CACNG1: variants seen among roughly 807,000 people sequenced by gnomAD.
CACNG1 encodes voltage-dependent calcium channel gamma-1 subunit.
Under a neutral mutation model 22.0 loss-of-function variants are expected in CACNG1, and 21 were observed. The ratio of observed to expected loss-of-function variants is 0.95; its 90% CI spans 0.68 to 1.37. The LOEUF is 1.37. Among genes scored for constraint, CACNG1 ranks in the 40% most tolerant of loss-of-function variants. CACNG1 has a pLI of 0.00. For synonymous variants in CACNG1, 127 were observed against 129.2 expected (o/e 0.98, Z 0.12); for missense variants, 291 against 308.6 (o/e 0.94, Z 0.43).
At chr17:67,053,880 G>A (rs2035742113) in intron 1 of CACNG1, 116 bp from the exon 2 acceptor site, 3 of 754,474 alleles carry the variant, frequency 4.0e-6, no homozygotes, top group East Asian at 2.5e-5. Flanking sequence ...CTGGGGAGAA[G>A]AGAGGCTGCC....
chr17:67,050,007 C>A (rs1019679051), intron 1 of CACNG1, among the ~76,000 whole-genome samples: 3 of 152,218 alleles, frequency 2.0e-5, no homozygotes, highest in African/African-American at 4.8e-5. Flanking sequence ...AGAGTAGGAG[C>A]CTCTCCCAAA....
chr17:67,050,696 A>G (rs1037026507), intron 1 of CACNG1, among the ~76,000 whole-genome samples: 3 of 152,206 alleles, frequency 2.0e-5, no homozygotes, highest in African/African-American at 7.2e-5. Flanking sequence ...TTGGAGCTAA[A>G]TGTGGCTTCT....
chr17:67,045,423 T>A (rs1225265161), intron 1 of CACNG1, among the ~76,000 whole-genome samples: 1 of 151,906 alleles, frequency 6.6e-6, no homozygotes, highest in Non-Finnish European at 1.5e-5. Flanking sequence ...AAACCACACA[T>A]GGGCCCTTGT....
At position 67,046,705 on chromosome 17, in the gene CACNG1, C is replaced by T. The variant is rs1233597737; in HGVS notation, c.229+1816C>T. ...AGGGCAAGGCAGCTTCTTCAGGGACCACACATGGGGACGTGCTGTTACAGT... is the reference window on the plus strand; with the variant it reads ...AGGGCAAGGCAGCTTCTTCAGGGACTACACATGGGGACGTGCTGTTACAGT... On this transcript the variant is annotated intron_variant, in intron 1 of 3. Transcript: ENST00000226021. 2.0e-5 allele frequency among the ~76,000 whole-genome samples: 3 copies of T among 152,302 alleles called. No homozygotes were observed. In the East Asian group the frequency reaches 5.8e-4, roughly 29 times the overall value.
Position 67,055,274 on chromosome 17 carries a change from G to C in CACNG1, c.442+34G>C, listed in dbSNP as rs111690102. Reference sequence around the variant, plus strand: ...GGGGATCTGCCTGAGCGCCGGGGCCGGGGGACCATGTCGCGGGGGATTCTC... The same window carrying C: ...GGGGATCTGCCTGAGCGCCGGGGCCCGGGGACCATGTCGCGGGGGATTCTC... On this transcript the variant is annotated intron_variant, in intron 3 of 3. Coordinates refer to ENST00000226021, the MANE Select transcript of CACNG1 (RefSeq NM_000727.4). The surrounding 1 kb of genome is among the most constrained non-coding windows in gnomAD (Gnocchi z 4.5). The C allele has an allele frequency of 6.3e-6, 10 of 1,595,628 alleles. No individual in the cohort carries two copies. The highest frequency in any genetic ancestry group is 8.6e-6 in the Non-Finnish European group (10 of 1,167,738).
intron 1 of CACNG1, among the ~76,000 whole-genome samples, chr17:67,053,665 C>A (rs950545142): frequency 1.3e-4 from 20 of 152,206 alleles, no homozygotes; most frequent in African/African-American, 4.8e-4. Context: ...TGATTGTGCA[C>A]CCTGCACACC....
At chr17:67,048,691 G>A (rs1430538684) in intron 1 of CACNG1, among the ~76,000 whole-genome samples, 1 of 152,154 alleles carries the variant, frequency 6.6e-6, no homozygotes, top group Non-Finnish European at 1.5e-5. Flanking sequence ...TGAAAATGAT[G>A]CCTCATGAAA....
Position 67,044,918 on chromosome 17 carries a change from C to G in CACNG1, c.229+29C>G. 2.6e-6 allele frequency: 4 copies of G among 1,551,962 alleles called. No homozygotes were observed. Among genetic ancestry groups the G allele is most frequent in the Non-Finnish European group, 3.5e-6 (4 of 1,132,046 alleles). ...ACGTACCCACCCTCCGTCCCGATCC[C>G]CACCTCCTGCTCTTCCCCGTCATCC... On this transcript the variant is annotated intron_variant, in intron 1 of 3. Transcript: ENST00000226021. This position sits in a 1 kb window ranked among gnomAD's most constrained non-coding sequence, Gnocchi z 6.9.
Position 67,054,683 on chromosome 17 carries a change from CACTG to C in CACNG1, c.305-417_305-414del, listed in dbSNP as rs2035748230. 8.4e-6 allele frequency among the ~76,000 whole-genome samples: 1 copy of C among 118,582 alleles called. No individual in the cohort carries two copies. The highest frequency in any genetic ancestry group is 2.6e-5 in the African/African-American group (1 of 37,904). 77.8% of individuals were successfully genotyped at this position (118,582 alleles called of 152,430 possible). Reference sequence around the variant, plus strand: ...CACACAAGACACAGACGCACAGAGACACTGACACACACGCATGATGACACACAAA... The same window carrying C: ...CACACAAGACACAGACGCACAGAGACACACACACGCATGATGACACACAAA... On this transcript the variant is annotated intron_variant, in intron 2 of 3. Coordinates refer to ENST00000226021, the MANE Select transcript of CACNG1 (RefSeq NM_000727.4). The surrounding 1 kb of genome is among the most constrained non-coding windows in gnomAD (Gnocchi z 4.6).
rs751712868 is a variant in CACNG1, at chr17:67,054,030, C to T, written c.264C>T (p.Pro88=). 10 of 1,614,130 alleles carry T rather than the reference C, an allele frequency of 6.2e-6. No individual in the cohort carries two copies. Among genetic ancestry groups the T allele is most frequent in the East Asian group, 2.2e-5 (1 of 44,870 alleles). Residue 88 remains proline (P), a synonymous_variant, in exon 2 of 4, where the codon CCC becomes CCT. Coordinates refer to ENST00000226021, the MANE Select transcript of CACNG1 (RefSeq NM_000727.4). The surrounding 1 kb of genome is among the most constrained non-coding windows in gnomAD (Gnocchi z 4.6). The part of the protein sequence containing the change: ...KNCSYFRHFN[P]GESSEIFEFT... Reference sequence around the variant, plus strand: ...GTTCCTACTTCAGGCATTTTAACCCCGGCGAGAGCTCGGAGATCTTCGAAT... The same window carrying T: ...GTTCCTACTTCAGGCATTTTAACCCTGGCGAGAGCTCGGAGATCTTCGAAT...
rs759486518 is a variant in CACNG1, at chr17:67,056,025, A to C, written c.443-20A>C. On this transcript the variant is annotated intron_variant, in intron 3 of 3. Transcript: ENST00000226021. The surrounding 1 kb of genome is among the most constrained non-coding windows in gnomAD (Gnocchi z 4.3). Reference sequence around the variant, plus strand: ...GGCAGACGCCCCTCGGTCCCTGAGCATGCCTGGCTCTGCCCCCAGGTCTCT... The same window carrying C: ...GGCAGACGCCCCTCGGTCCCTGAGCCTGCCTGGCTCTGCCCCCAGGTCTCT... 1 of 1,599,154 alleles carries C rather than the reference A, an allele frequency of 6.3e-7. No individual in the cohort carries two copies. The highest frequency in any genetic ancestry group is 8.5e-7 in the Non-Finnish European group (1 of 1,174,136).
intron 1 of CACNG1, among the ~76,000 whole-genome samples, chr17:67,051,189 T>C (rs1391368638): frequency 6.6e-6 from 1 of 152,146 alleles, no homozygotes; most frequent in Non-Finnish European, 1.5e-5. Context: ...TACGTTGCCC[T>C]GGATGCTCAG....
At chr17:67,048,518 A>G (rs2143410540) in intron 1 of CACNG1, among the ~76,000 whole-genome samples, 1 of 152,232 alleles carries the variant, frequency 6.6e-6, no homozygotes, top group Middle Eastern at 3.4e-3. Context: ...ACATACATAA[A>G]TAATACAAGA....
At position 67,044,646 on chromosome 17, in the gene CACNG1, G is replaced by T; in HGVS notation, c.-15G>T. On this transcript the variant is annotated 5_prime_UTR_variant, in exon 1 of 4. Coordinates refer to ENST00000226021, the MANE Select transcript of CACNG1 (RefSeq NM_000727.4). This position sits in a 1 kb window ranked among gnomAD's most constrained non-coding sequence, Gnocchi z 6.9. ...GCCGGACCCTGCCCAGGGCACCCAC[G>T]CCTCGGCGACCACCATGTCCCAGAC... 6.3e-7 allele frequency: 1 copy of T among 1,578,898 alleles called. No individual in the cohort carries two copies. The highest frequency in any genetic ancestry group is 8.6e-7 in the Non-Finnish European group (1 of 1,159,510).
In CACNG1 at chr17:67,054,137, A is replaced by C; in HGVS notation, c.304+67A>C. 2.3e-6 allele frequency: 3 copies of C among 1,294,050 alleles called. No individual in the cohort carries two copies. In the South Asian group the frequency reaches 3.6e-5, roughly 15 times the overall value. The allele number at this position is 1,294,050 out of a possible 1,614,324, so 80.2% of individuals were successfully genotyped here. The stretch of plus-strand genomic sequence containing the variant: ...CTTCTGTGTTGTGCACCACTGGGCC[A>C]GAAAGTCATTGGCAAAAGCACTGAC... On this transcript the variant is annotated intron_variant, in intron 2 of 3. Coordinates refer to ENST00000226021, the MANE Select transcript of CACNG1 (RefSeq NM_000727.4). The surrounding 1 kb of genome is among the most constrained non-coding windows in gnomAD (Gnocchi z 4.6).
chr17:67,053,822 ATGT>A, intron 1 of CACNG1, among the ~76,000 whole-genome samples, 171 bp from the exon 2 acceptor site: 1 of 152,142 alleles, frequency 6.6e-6, no homozygotes, highest in Non-Finnish European at 1.5e-5. Context: ...TCCCACTGAG[ATGT>A]TGTTCTAAGG....
At chr17:67,048,376 T>C (rs2035710045) in intron 1 of CACNG1, among the ~76,000 whole-genome samples, 1 of 150,414 alleles carries the variant, frequency 6.6e-6, no homozygotes, top group African/African-American at 2.5e-5. Flanking sequence ...GTGCCTGTAA[T>C]TCTAGCTACT....
chr17:67,055,063 C>T lies in CACNG1; in HGVS notation c.305-40C>T. ...CCTAACGAGCCATGACAAGAGCTCC[C>T]ATGCTGAGGCCGCATGCTGGGTGTC... On this transcript the variant is annotated intron_variant, in intron 2 of 3. Coordinates refer to ENST00000226021, the MANE Select transcript of CACNG1 (RefSeq NM_000727.4). The surrounding 1 kb of genome is among the most constrained non-coding windows in gnomAD (Gnocchi z 4.5). 1.3e-6 allele frequency: 2 copies of T among 1,594,648 alleles called. No individual in the cohort carries two copies. The highest frequency in any genetic ancestry group is 1.1e-5 in the South Asian group (1 of 88,624).
Position 67,056,353 on chromosome 17 carries a change from G to A in CACNG1, c.*82G>A. On this transcript the variant is annotated 3_prime_UTR_variant, in exon 4 of 4. Coordinates refer to ENST00000226021, the MANE Select transcript of CACNG1 (RefSeq NM_000727.4). This position sits in a 1 kb window ranked among gnomAD's most constrained non-coding sequence, Gnocchi z 4.3. ...CTGGAACCTTCCAGAGAGGAGGCGG[G>A]AGCAATTTTAGCCCCACCCTGCTCC... is the stretch of plus-strand genomic sequence containing the variant. The A allele has an allele frequency of 7.6e-7, 1 of 1,319,326 alleles. No individual in the cohort carries two copies. Among genetic ancestry groups the A allele is most frequent in the Non-Finnish European group, 1.1e-6 (1 of 934,036 alleles). 81.7% of individuals were successfully genotyped at this position (1,319,326 alleles called of 1,614,324 possible). A position where few individuals can be genotyped will look rare whatever the true frequency, so the allele number is the denominator to read the frequency against.
Sources: gnomAD v4.1 joint callset for allele counts (sites outside exome capture counted in the v4.1 genomes callset) on GRCh38, gnomAD v4.1.1 for gene constraint, Gnocchi (gnomAD v3.1) non-coding constraint, MANE v1.5 for transcripts, NCBI Gene and HGNC (gene_info 2026-07-23, HGNC 2026-07-21) for gene names.